PTPRM: variants seen among roughly 807,000 people sequenced by gnomAD.
PTPRM encodes the protein protein tyrosine phosphatase receptor type M.
A neutral mutation model predicts 186.7 loss-of-function variants in PTPRM; 47 were observed. That is an observed-to-expected ratio of 0.25 (90% CI 0.20 to 0.32). The LOEUF (loss-of-function observed/expected upper bound fraction) is 0.32. PTPRM is among the 10% of genes least tolerant of loss of function. PTPRM has a pLI of 1.00. For synonymous variants in PTPRM, 668 were observed against 674.9 expected (o/e 0.99, Z 0.16); for missense variants, 1,494 against 1,865.0 (o/e 0.80, Z 3.66).
chr18:7,942,502 C>G (rs997378395), intron 5 of PTPRM, among the ~76,000 whole-genome samples: 3 of 151,966 alleles, frequency 2.0e-5, no homozygotes, highest in Non-Finnish European at 4.4e-5. Context: ...TCCTGCCCTC[C>G]AGATACAGGG....
chr18:8,261,978 G>C (rs918278495), intron 19 of PTPRM, among the ~76,000 whole-genome samples: 2 of 152,052 alleles, frequency 1.3e-5, no homozygotes, highest in Non-Finnish European at 2.9e-5. Flanking sequence ...TAGTGAACGT[G>C]CCCGTGTGCC....
intron 1 of PTPRM, among the ~76,000 whole-genome samples, chr18:7,679,847 A>G (rs2039438781): frequency 1.3e-5 from 2 of 151,970 alleles, no homozygotes; most frequent in East Asian, 1.9e-4. Flanking sequence ...AACTTTGACA[A>G]TAGACTTTTT....
chr18:8,012,545 C>T (rs1481780388), intron 7 of PTPRM, among the ~76,000 whole-genome samples: 1 of 152,164 alleles, frequency 6.6e-6, no homozygotes, highest in Non-Finnish European at 1.5e-5. Flanking sequence ...CTACTATGCA[C>T]CCAGGCTATG....
chr18:7,629,917 G>A (rs563621441), intron 1 of PTPRM, among the ~76,000 whole-genome samples: 10 of 152,248 alleles, frequency 6.6e-5, no homozygotes, highest in African/African-American at 2.4e-4. Context: ...AAGTATTCCA[G>A]GTGAATGACA....
intron 10 of PTPRM, 72 bp downstream of exon 10, chr18:8,085,944 G>A (rs932534605): frequency 4.1e-6 from 6 of 1,446,022 alleles, no homozygotes; most frequent in Non-Finnish European, 5.8e-6. Flanking sequence ...CCATTGTCAA[G>A]TATGCCAAGC....
At chr18:8,076,095 A>G (rs146999730) in intron 8 of PTPRM, among the ~76,000 whole-genome samples, 8 of 152,270 alleles carry the variant, frequency 5.3e-5, no homozygotes, top group South Asian at 4.1e-4. Context: ...ACTAAATGCT[A>G]TTAATAATTT....
In PTPRM at chr18:8,113,520, C is replaced by T. The variant is rs2091843082; in HGVS notation, c.1891C>T (p.Arg631Ter). The change falls in exon 12 of 33, where the codon CGA becomes TGA. Residue 631 changes from arginine (R) to a stop codon, truncating the protein, a stop_gained. Transcript: ENST00000580170. LOFTEE classifies it high-confidence loss of function. ...AATAGTTGTTGAGGAAGAACGTCCTCGAAGAACTAAAAAGACGACAGAAAT... is the reference window on the plus strand; with the variant it reads ...AATAGTTGTTGAGGAAGAACGTCCTTGAAGAACTAAAAAGACGACAGAAAT... The part of the protein sequence containing the change: ...YQIVVEEERP[R>*]RTKKTTEILK... The T allele has an allele frequency of 6.2e-7, 1 of 1,613,394 alleles. No individual in the cohort carries two copies. Among genetic ancestry groups the T allele is most frequent in the African/African-American group, 1.3e-5 (1 of 74,876 alleles).
chr18:7,942,458 T>A (rs2052242375), intron 5 of PTPRM, among the ~76,000 whole-genome samples: 1 of 151,978 alleles, frequency 6.6e-6, no homozygotes, highest in Non-Finnish European at 1.5e-5. Context: ...GAACAAGGCC[T>A]GTTTGTTCAG....
At chr18:7,924,824 G>A (rs992091305) in intron 4 of PTPRM, among the ~76,000 whole-genome samples, 1 of 152,162 alleles carries the variant, frequency 6.6e-6, no homozygotes, top group Admixed American at 6.5e-5. Context: ...GGCAGACCCA[G>A]GGGAGCCACT....
chr18:8,217,366 T>C (rs1324771457), intron 14 of PTPRM, among the ~76,000 whole-genome samples: 1 of 152,192 alleles, frequency 6.6e-6, no homozygotes, highest in Non-Finnish European at 1.5e-5. Context: ...TTCTTCCTTC[T>C]TCCCCCTGTG....
Position 7,684,480 on chromosome 18 carries a change from A to T in PTPRM, c.74-89669A>T, listed in dbSNP as rs9962615. On this transcript the variant is annotated intron_variant, in intron 1 of 32. Coordinates refer to ENST00000580170, the MANE Select transcript of PTPRM (RefSeq NM_001105244.2). ...TTATCTTGGAGTACTGAAACTTTAT[A>T]CCTGCTGATTAGGAACTCCCCATTT... 8.1e-3 allele frequency among the ~76,000 whole-genome samples: 1,231 copies of T among 152,200 alleles called. 15 individuals carry two copies. Among genetic ancestry groups the T allele is most frequent in the African/African-American group, 0.028 (1,177 of 41,514 alleles).
chr18:8,264,871 A>T (rs568810030), intron 19 of PTPRM, among the ~76,000 whole-genome samples: 1 of 151,834 alleles, frequency 6.6e-6, no homozygotes, highest in South Asian at 2.1e-4. Flanking sequence ...TATCAAACCC[A>T]TTTTCCAGAT....
At chr18:7,938,199 C>T (rs1351166676) in intron 5 of PTPRM, among the ~76,000 whole-genome samples, 2 of 152,132 alleles carry the variant, frequency 1.3e-5, no homozygotes, top group African/African-American at 4.8e-5. Context: ...ACAAACTGTG[C>T]CCTGAGTGCA....
At position 8,113,633 on chromosome 18, in the gene PTPRM, C is replaced by T. The variant is rs1372397747; in HGVS notation, c.2004C>T (p.Asp668=). 1 of 1,614,010 alleles carries T rather than the reference C, an allele frequency of 6.2e-7. No homozygotes were observed. The highest frequency in any genetic ancestry group is 2.2e-5 in the East Asian group (1 of 44,892). Residue 668 remains aspartate (D), a synonymous_variant, in exon 12 of 33, where the codon GAC becomes GAT. Transcript: ENST00000580170. ...ACTTTGCTGCAGAATTTCCTGCAGA[C>T]AGCCTCCAAGCTGCGCAGCCTTTTA... ...QYYFAAEFPA[D]SLQAAQPFTI...
Position 8,085,765 on chromosome 18 carries a change from T to C in PTPRM, c.1646T>C (p.Leu549Pro). The change falls in exon 10 of 33, where the codon CTG becomes CCG. Residue 549 changes from leucine (L) to proline (P), a missense_variant. Coordinates refer to ENST00000580170, the MANE Select transcript of PTPRM (RefSeq NM_001105244.2). ...AAGCTGGGAAATGAAACCCATTTTC[T>C]GTTTTTTGGACTGTATCCGGGGACC... The part of the protein sequence containing the change: ...VSKLGNETHF[L>P]FFGLYPGTTY... The C allele has an allele frequency of 6.2e-7, 1 of 1,613,256 alleles. No individual in the cohort carries two copies. The highest frequency in any genetic ancestry group is 8.5e-7 in the Non-Finnish European group (1 of 1,179,330).
intron 1 of PTPRM, among the ~76,000 whole-genome samples, chr18:7,631,873 G>A (rs954788130): frequency 6.6e-6 from 1 of 152,126 alleles, no homozygotes; most frequent in African/African-American, 2.4e-5. Flanking sequence ...ATCTGTCAAG[G>A]ATAATAATGC....
At chr18:7,799,192 T>C (rs2043825965) in intron 2 of PTPRM, among the ~76,000 whole-genome samples, 1 of 152,170 alleles carries the variant, frequency 6.6e-6, no homozygotes, top group African/African-American at 2.4e-5. Flanking sequence ...GCTTCCAAGA[T>C]AGTGCCTTGC....
At chr18:7,877,171 C>A (rs569388206) in intron 2 of PTPRM, among the ~76,000 whole-genome samples, 2 of 151,968 alleles carry the variant, frequency 1.3e-5, no homozygotes, top group South Asian at 4.2e-4. Flanking sequence ...TTATTGTATC[C>A]TTTTGCTCTT....
chr18:8,330,526 G>T (rs1472649174), intron 22 of PTPRM, among the ~76,000 whole-genome samples: 2 of 152,188 alleles, frequency 1.3e-5, no homozygotes, highest in African/African-American at 4.8e-5. Context: ...ACTAATGAAA[G>T]CTTTTATTTC....
Sources: gnomAD v4.1 joint callset for allele counts (sites outside exome capture counted in the v4.1 genomes callset) on GRCh38, gnomAD v4.1.1 for gene constraint, MANE v1.5 for transcripts, NCBI Gene and HGNC (gene_info 2026-07-23, HGNC 2026-07-21) for gene names.